AP3B1: variants seen among roughly 807,000 people sequenced by gnomAD.
The protein encoded by AP3B1 is AP-3 complex subunit beta-1.
Under a neutral mutation model 132.5 loss-of-function variants are expected in AP3B1, and 61 were observed. That is an observed-to-expected ratio of 0.46 (90% confidence interval 0.37 to 0.57). AP3B1 has a LOEUF of 0.57. AP3B1 is among the 20% of genes least tolerant of loss of function. The probability of loss-of-function intolerance (pLI) is 0.00; values close to 1 mark genes in which losing one functional copy is unlikely to be tolerated. For synonymous variants in AP3B1, 388 were observed against 438.3 expected, an observed-to-expected ratio of 0.89 and a Z score of 1.43; for missense variants, 1,120 against 1,289.4, an observed-to-expected ratio of 0.87 and a Z score of 2.01.
chr5:78,286,902 G>A (rs1749305110), intron 1 of AP3B1, among the ~76,000 whole-genome samples: 1 of 152,158 alleles, frequency 6.6e-6, no homozygotes, highest in Non-Finnish European at 1.5e-5. Flanking sequence ...ATATGAAATA[G>A]AGGAAAATCA....
intron 21 of AP3B1, among the ~76,000 whole-genome samples, chr5:78,097,618 C>T (rs1345859420): frequency 6.9e-6 from 1 of 145,608 alleles, no homozygotes; most frequent in Non-Finnish European, 1.5e-5. Flanking sequence ...GGGGGTCAGC[C>T]CCCTGCCCGG....
At chr5:78,272,561 T>G (rs1580574752) in intron 1 of AP3B1, among the ~76,000 whole-genome samples, 1 of 152,150 alleles carries the variant, frequency 6.6e-6, no homozygotes, top group East Asian at 1.9e-4. Context: ...ACCCTTGCCC[T>G]CATAGGGATT....
intron 7 of AP3B1, among the ~76,000 whole-genome samples, chr5:78,193,736 ATATT>A (rs1237678864): frequency 1.4e-5 from 1 of 70,590 alleles, no homozygotes; most frequent in Admixed American, 2.3e-4. Flanking sequence ...ATATTTGTAT[ATATT>A]TTTTTATATA....
chr5:78,254,137 G>C (rs1580549122), intron 2 of AP3B1, among the ~76,000 whole-genome samples: 1 of 151,744 alleles, frequency 6.6e-6, no homozygotes, highest in Non-Finnish European at 1.5e-5. Context: ...TTGAAGACAG[G>C]CTCTTTGGAA....
chr5:78,287,804 G>A lies in AP3B1; in HGVS notation c.128+6648C>T, dbSNP rs1749344682. 4.7e-5 allele frequency among the ~76,000 whole-genome samples: 7 copies of A among 148,000 alleles called. No homozygotes were observed. The South Asian group carries it at 1.5e-3, about 31-fold the overall frequency. On this transcript the variant is annotated intron_variant, in intron 1 of 26. Transcript: ENST00000255194. ...GTTTACATATGTAGCAAGCAAATAT[G>A]TTAACAGCTCTAGTACCAGATCTAA...
intron 17 of AP3B1, among the ~76,000 whole-genome samples, chr5:78,119,508 G>A (rs1255999773): frequency 5.3e-5 from 8 of 152,188 alleles, no homozygotes; most frequent in African/African-American, 1.9e-4. Context: ...AGCTGATGGA[G>A]CTGAAAGCCA....
chr5:78,186,743 T>C (rs1191469116), intron 7 of AP3B1, among the ~76,000 whole-genome samples: 1 of 152,220 alleles, frequency 6.6e-6, no homozygotes, highest in Non-Finnish European at 1.5e-5. Flanking sequence ...TGCATTGTTA[T>C]ACATAACAAT....
intron 21 of AP3B1, among the ~76,000 whole-genome samples, chr5:78,094,116 T>C (rs1025550647): frequency 2.6e-5 from 4 of 152,246 alleles, no homozygotes; most frequent in African/African-American, 9.6e-5. Context: ...TTACATTTCC[T>C]ATAAAAGAAC....
intron 2 of AP3B1, among the ~76,000 whole-genome samples, chr5:78,258,721 T>A (rs1747951544): frequency 6.6e-6 from 1 of 151,906 alleles, no homozygotes. Flanking sequence ...AAATCAGGAG[T>A]GCAAAGAGAC....
chr5:78,190,285 A>T (rs979428203), intron 7 of AP3B1, among the ~76,000 whole-genome samples: 2 of 152,164 alleles, frequency 1.3e-5, no homozygotes, highest in Non-Finnish European at 2.9e-5. Context: ...TGAGAACATC[A>T]TGACACAGCT....
chr5:78,102,399 GTAAT>G (rs1751169670), intron 20 of AP3B1, among the ~76,000 whole-genome samples: 1 of 151,830 alleles, frequency 6.6e-6, no homozygotes, highest in Non-Finnish European at 1.5e-5. Context: ...ATTCTTCAAA[GTAAT>G]TATTTTTATC....
intron 26 of AP3B1, chr5:78,003,517 TTAGA>T: frequency 1.5e-6 from 1 of 645,186 alleles, no homozygotes; most frequent in Non-Finnish European, 1.9e-6. Context: ...ATGTAATAAG[TTAGA>T]TAATTTTACG....
In AP3B1 at chr5:78,227,503, A is replaced by G. The variant is rs766454809; in HGVS notation, c.405T>C (p.Ala135=). ...CTCTAATACTTGACAGAACTCTCAAAGCGCTTGCACGAATTAGTTGGTTTG... is the reference window on the plus strand; with the variant it reads ...CTCTAATACTTGACAGAACTCTCAAGGCGCTTGCACGAATTAGTTGGTTTG... ...KDPNQLIRAS[A]LRVLSSIRVP... is the part of the protein sequence containing the mutation. The change falls in exon 5 of 27, where the codon GCT becomes GCC. Residue 135 remains alanine (A), a synonymous_variant. Transcript: ENST00000255194. 3 of 1,613,748 alleles carry G rather than the reference A, an allele frequency of 1.9e-6. No homozygotes were observed. In the East Asian group the frequency reaches 6.7e-5, roughly 36 times the overall value.
intron 21 of AP3B1, among the ~76,000 whole-genome samples, chr5:78,097,611 G>T (rs1238424491): frequency 4.2e-5 from 6 of 141,636 alleles, no homozygotes; most frequent in African/African-American, 1.3e-4. Flanking sequence ...GAGGTGGGGG[G>T]GTCAGCCCCC....
intron 14 of AP3B1, among the ~76,000 whole-genome samples, chr5:78,151,535 T>A (rs956134462): frequency 1.6e-4 from 24 of 152,222 alleles, no homozygotes; most frequent in African/African-American, 5.5e-4. Context: ...GTTCCTTCTA[T>A]CCCCAGTTTT....
chr5:78,038,415 C>T (rs1479709203), intron 23 of AP3B1, among the ~76,000 whole-genome samples: 2 of 152,096 alleles, frequency 1.3e-5, no homozygotes, highest in Non-Finnish European at 2.9e-5. Context: ...TCTTGGGCCA[C>T]ACATAAAATA....
intron 1 of AP3B1, among the ~76,000 whole-genome samples, chr5:78,286,308 A>G (rs1049326380): frequency 2.0e-5 from 3 of 152,156 alleles, no homozygotes; most frequent in Admixed American, 2.0e-4. Flanking sequence ...AGATGTTCAA[A>G]CTTAATGGCC....
At chr5:78,176,179 T>C (rs971831959) in intron 9 of AP3B1, among the ~76,000 whole-genome samples, 9 of 152,170 alleles carry the variant, frequency 5.9e-5, no homozygotes, top group Non-Finnish European at 1.2e-4. Context: ...ACTGTTATTA[T>C]AAACTCATTA....
chr5:78,047,336 T>C (rs1163314399), intron 22 of AP3B1, among the ~76,000 whole-genome samples: 5 of 152,198 alleles, frequency 3.3e-5, no homozygotes, highest in Non-Finnish European at 5.9e-5. Context: ...AAAGTGTTCC[T>C]ATTTCTCCAC....
Sources: gnomAD v4.1 joint callset for allele counts (sites outside exome capture counted in the v4.1 genomes callset) on GRCh38, gnomAD v4.1.1 for gene constraint, MANE v1.5 for transcripts, NCBI Gene and HGNC (gene_info 2026-07-23, HGNC 2026-07-21) for gene names.